FAF2: variants seen among roughly 807,000 people sequenced by gnomAD.
FAF2 encodes the protein Fas associated factor family member 2.
Under a neutral mutation model 62.3 loss-of-function variants are expected in FAF2, and 9 were observed. That is an observed-to-expected ratio of 0.14 (90% CI 0.09 to 0.25). The LOEUF (loss-of-function observed/expected upper bound fraction) is 0.25. FAF2 is among the 10% of genes least tolerant of loss of function. FAF2 has a pLI of 1.00. For missense variants in FAF2, 368 were observed against 556.2 expected, an observed-to-expected ratio of 0.66 and a Z score of 3.40; for synonymous variants, 202 against 198.0, an observed-to-expected ratio of 1.02 and a Z score of -0.17.
At chr5:176,505,023 GAAAA>G (rs571061959) in intron 10 of FAF2, among the ~76,000 whole-genome samples, 1 of 122,108 alleles carries the variant, frequency 8.2e-6, no homozygotes, top group Admixed American at 8.5e-5. Context: ...ACCTGTCTGG[GAAAA>G]AAAAAAAAAA....
At chr5:176,479,758 G>A (rs1182449035) in intron 2 of FAF2, among the ~76,000 whole-genome samples, 4 of 151,728 alleles carry the variant, frequency 2.6e-5, no homozygotes, top group South Asian at 2.1e-4. Context: ...GTGCAGTGGC[G>A]TGCTCTCAGC....
rs747582699 is a variant in FAF2, at chr5:176,460,513, CGTGTGTGT to C, written c.63+12076_63+12083del. Among the ~76,000 whole-genome samples, 311 of 132,654 alleles carry C rather than the reference CGTGTGTGT, an allele frequency of 2.3e-3. 1 individual carries two copies. The Middle Eastern group carries it at 0.031, about 13-fold the overall frequency. 87.0% of individuals were successfully genotyped at this position (132,654 alleles called of 152,430 possible). On this transcript the variant is annotated intron_variant, in intron 1 of 10. Coordinates refer to ENST00000261942, the MANE Select transcript of FAF2 (RefSeq NM_014613.3). Reference sequence around the variant, plus strand: ...CAGTGATGTTGACTATTTTTGGCCGCGTGTGTGTGTGTGTGTGTGTGTGTGTGTGTGTG... The same window carrying C: ...CAGTGATGTTGACTATTTTTGGCCGCGTGTGTGTGTGTGTGTGTGTGTGTG...
intron 1 of FAF2, among the ~76,000 whole-genome samples, chr5:176,463,213 G>T (rs1009567550): frequency 6.6e-6 from 1 of 151,932 alleles, no homozygotes; most frequent in Non-Finnish European, 1.5e-5. Flanking sequence ...GGCCAACATA[G>T]CAAAACCCCG....
At chr5:176,500,226 G>T (rs1755570623) in intron 10 of FAF2, 80 bp downstream of exon 10, 2 of 1,386,218 alleles carry the variant, frequency 1.4e-6, no homozygotes, top group Non-Finnish European at 2.0e-6. Context: ...CTTGAGAGTG[G>T]TGTTGGTGTA....
intron 2 of FAF2, among the ~76,000 whole-genome samples, chr5:176,483,186 A>G (rs776322359): frequency 3.9e-5 from 6 of 152,068 alleles, no homozygotes; most frequent in African/African-American, 7.2e-5. Flanking sequence ...CCTCCCTGAC[A>G]CCTCAGACTA....
intron 1 of FAF2, among the ~76,000 whole-genome samples, chr5:176,477,691 C>G (rs1758728045): frequency 6.6e-6 from 1 of 152,176 alleles, no homozygotes; most frequent in Non-Finnish European, 1.5e-5. Context: ...ACCTAAAAAT[C>G]CGAATTTCAG....
intron 1 of FAF2, among the ~76,000 whole-genome samples, chr5:176,475,088 T>C (rs1758664206): frequency 1.3e-5 from 2 of 152,212 alleles, no homozygotes; most frequent in Non-Finnish European, 2.9e-5. Flanking sequence ...ATATTAAAGA[T>C]GGCAGTCACT....
rs929977555 is a variant in FAF2, at chr5:176,477,435, G to T, written c.64-1753G>T. Among the ~76,000 whole-genome samples the T allele has an allele frequency of 3.3e-5, 5 of 152,068 alleles. No individual in the cohort carries two copies. The South Asian group carries it at 1.0e-3, about 32-fold the overall frequency. Reference sequence around the variant, plus strand: ...TCCACAGCGAGAAGGAGGAACCCTGGACATCCCAGTCCTTTAGTGGGTTGT... The same window carrying T: ...TCCACAGCGAGAAGGAGGAACCCTGTACATCCCAGTCCTTTAGTGGGTTGT... On this transcript the variant is annotated intron_variant, in intron 1 of 10. Transcript: ENST00000261942.
intron 4 of FAF2, among the ~76,000 whole-genome samples, chr5:176,489,240 TCTTACCTTTTGTTTGCAAAAA>T (rs1758928247): frequency 6.6e-6 from 1 of 152,118 alleles, no homozygotes; most frequent in African/African-American, 2.4e-5. Flanking sequence ...TTTAAATTAG[TCTTACCTTTTGTTTGCAAAAA>T]CCAGTCTGAC....
At chr5:176,484,806 G>T (rs188879295) in intron 2 of FAF2, among the ~76,000 whole-genome samples, 1 of 151,514 alleles carries the variant, frequency 6.6e-6, no homozygotes, top group Non-Finnish European at 1.5e-5. Context: ...CAGGAGAATC[G>T]CTTGAACCTG....
At chr5:176,451,857 CACATATATATATACACACATATAT>C (rs1758185030) in intron 1 of FAF2, among the ~76,000 whole-genome samples, 1 of 17,752 alleles carries the variant, frequency 5.6e-5, no homozygotes, top group African/African-American at 1.7e-4. Flanking sequence ...CATATATATA[CACATATATATATACACACATATAT>C]ATATATATAT....
At chr5:176,451,885 T>TATATATATATACACAC (rs1758189765) in intron 1 of FAF2, among the ~76,000 whole-genome samples, 1 of 24,486 alleles carries the variant, frequency 4.1e-5, no homozygotes, top group African/African-American at 1.7e-4. Context: ...CATATATATA[T>TATATATATATACACAC]ATATATATTT....
intron 1 of FAF2, 54 bp from the exon 2 acceptor site, chr5:176,479,134 A>G: frequency 7.2e-7 from 1 of 1,398,156 alleles, no homozygotes; most frequent in Non-Finnish European, 1.0e-6. Flanking sequence ...AAAAATACTC[A>G]CACGTATACT....
intron 1 of FAF2, among the ~76,000 whole-genome samples, chr5:176,451,809 TACAC>T (rs1237369992): frequency 4.2e-5 from 1 of 23,544 alleles, no homozygotes; most frequent in Non-Finnish European, 7.8e-5. Flanking sequence ...CATATATATA[TACAC>T]ACATATATAT....
chr5:176,479,317 CG>C, intron 2 of FAF2, 61 bp downstream of exon 2: 1 of 1,341,520 alleles, frequency 7.5e-7, no homozygotes, highest in Non-Finnish European at 1.1e-6. Flanking sequence ...GAGTCAAAAC[CG>C]TATGTTTTTC....
intron 2 of FAF2, among the ~76,000 whole-genome samples, chr5:176,482,249 A>G (rs1298290769): frequency 2.2e-5 from 3 of 136,346 alleles, no homozygotes. Context: ...ATGAAGTTTC[A>G]CTCTGTGGCA....
chr5:176,477,578 TG>T (rs969948927), intron 1 of FAF2, among the ~76,000 whole-genome samples: 2 of 152,214 alleles, frequency 1.3e-5, no homozygotes, highest in East Asian at 1.9e-4. Context: ...TCAAAGCCAG[TG>T]GTTCTTAAAG....
chr5:176,484,344 A>T (rs919344190), intron 2 of FAF2, among the ~76,000 whole-genome samples: 1 of 152,208 alleles, frequency 6.6e-6, no homozygotes, highest in African/African-American at 2.4e-5. Flanking sequence ...TCTGAGAAAC[A>T]TGATGAAATC....
At chr5:176,449,461 G>C (rs1345679980) in intron 1 of FAF2, among the ~76,000 whole-genome samples, 1 of 152,274 alleles carries the variant, frequency 6.6e-6, no homozygotes, top group South Asian at 2.1e-4. Context: ...TGTGGTCCCA[G>C]CTACTCGGGA....
Sources: gnomAD v4.1 joint callset for allele counts (sites outside exome capture counted in the v4.1 genomes callset) on GRCh38, gnomAD v4.1.1 for gene constraint, MANE v1.5 for transcripts, NCBI Gene and HGNC (gene_info 2026-07-23, HGNC 2026-07-21) for gene names.